Variants in NUTM2B observed in about 807,000 individuals in gnomAD.
NUTM2B encodes the protein NUT family member 2B.
Under a neutral mutation model 42.4 loss-of-function variants are expected in NUTM2B, and 2 were observed. That is an observed-to-expected ratio of 0.05 (90% CI 0.02 to 0.15). The LOEUF is 0.15. Among genes scored for constraint, NUTM2B ranks in the 10% least tolerant of loss-of-function variants. The pLI, the probability that NUTM2B is intolerant of heterozygous loss-of-function variation, is 1.00. For synonymous variants in NUTM2B, 18 were observed against 402.4 expected (o/e 0.04, Z 11.43); for missense variants, 58 against 952.6 (o/e 0.06, Z 12.36).
chr10:79,695,825 C>G, the NUTM2B span, among the ~76,000 whole-genome samples: 1 of 151,546 alleles, frequency 6.6e-6, no homozygotes, highest in Non-Finnish European at 1.5e-5. Context: ...TCTACCAGGC[C>G]CACCCATCTG....
chr10:79,695,099 G>C, the NUTM2B span, among the ~76,000 whole-genome samples: 106 of 152,196 alleles, frequency 7.0e-4, no homozygotes, highest in African/African-American at 2.5e-3. Context: ...CCCAGGCCCA[G>C]GTTCTAAAGG....
chr10:79,698,930 A>G (rs1840267537), upstream of NUTM2B, among the ~76,000 whole-genome samples: 1 of 152,188 alleles, frequency 6.6e-6, no homozygotes, highest in Non-Finnish European at 1.5e-5. Context: ...CAATACCTGC[A>G]CATATGTAAT....
chr10:79,698,163 TA>T, the NUTM2B span, among the ~76,000 whole-genome samples: 2 of 95,574 alleles, frequency 2.1e-5, no homozygotes, highest in Non-Finnish European at 4.1e-5. Flanking sequence ...ACCCATACAA[TA>T]CAAAAAAAAA....
the NUTM2B span, among the ~76,000 whole-genome samples, chr10:79,695,605 C>A: frequency 6.6e-6 from 1 of 152,146 alleles, no homozygotes; most frequent in South Asian, 2.1e-4. Context: ...GATGGTAGTG[C>A]AGGCACAGGT....
At chr10:79,694,334 T>A in the NUTM2B span, among the ~76,000 whole-genome samples, 1 of 149,710 alleles carries the variant, frequency 6.7e-6, no homozygotes, top group African/African-American at 2.5e-5. Flanking sequence ...GGAGGCGGAG[T>A]TTGCAGTGAG....
intron 6 of NUTM2B, 89 bp from the exon 7 acceptor site, chr10:79,711,607 CCCTA>C (rs1840498235): frequency 6.8e-7 from 1 of 1,472,318 alleles, no homozygotes; most frequent in Non-Finnish European, 9.3e-7. Flanking sequence ...CCTCAGGCTT[CCCTA>C]CCTGCCGCCT....
intron 6 of NUTM2B, 124 bp from the exon 7 acceptor site, chr10:79,711,576 C>T (rs1840497003): frequency 1.0e-6 from 1 of 976,670 alleles, no homozygotes. Flanking sequence ...CACCCTCTCT[C>T]TTTGACATAA....
upstream of NUTM2B, among the ~76,000 whole-genome samples, chr10:79,701,567 C>T (rs1340369475): frequency 6.6e-6 from 1 of 151,872 alleles, no homozygotes; most frequent in Non-Finnish European, 1.5e-5. Flanking sequence ...CCCAGGGCCT[C>T]AAGTGCAGAG....
the NUTM2B span, among the ~76,000 whole-genome samples, chr10:79,692,456 G>A: frequency 2.0e-5 from 3 of 152,160 alleles, no homozygotes; most frequent in African/African-American, 7.2e-5. Flanking sequence ...TGAGCCAGCA[G>A]TCTGGCTCCA....
the NUTM2B span, among the ~76,000 whole-genome samples, chr10:79,695,641 G>A: frequency 2.0e-5 from 3 of 152,078 alleles, no homozygotes; most frequent in African/African-American, 4.8e-5. Context: ...CTCGTGGAAC[G>A]TATGTTAGAG....
At chr10:79,698,166 A>C in the NUTM2B span, among the ~76,000 whole-genome samples, 3 of 46,902 alleles carry the variant, frequency 6.4e-5, no homozygotes, top group Non-Finnish European at 7.8e-5. Context: ...CATACAATAC[A>C]AAAAAAAAAA....
the NUTM2B span, among the ~76,000 whole-genome samples, chr10:79,692,389 G>C: frequency 6.6e-6 from 1 of 152,156 alleles, no homozygotes; most frequent in Non-Finnish European, 1.5e-5. Context: ...GCTCAGAGAG[G>C]TTAAAATACT....
At chr10:79,698,968 A>T (rs1447642976), upstream of NUTM2B, among the ~76,000 whole-genome samples, 1 of 152,166 alleles carries the variant, frequency 6.6e-6, no homozygotes, top group Non-Finnish European at 1.5e-5. Context: ...ACACAGAAAT[A>T]ACTCCTCCAT....
chr10:79,700,079 G>A (rs1477580241), upstream of NUTM2B, among the ~76,000 whole-genome samples: 1 of 152,144 alleles, frequency 6.6e-6, no homozygotes, highest in East Asian at 1.9e-4. Context: ...CGATTGTCAT[G>A]GAAGCTTTTC....
intron 5 of NUTM2B, among the ~76,000 whole-genome samples, chr10:79,711,019 G>A (rs1840482622): frequency 7.7e-6 from 1 of 129,636 alleles, no homozygotes; most frequent in African/African-American, 3.0e-5. Flanking sequence ...CTTTTCCTGT[G>A]TCATATGTGG....
At chr10:79,699,257 A>C (rs3012961), upstream of NUTM2B, among the ~76,000 whole-genome samples, 12,960 of 151,396 alleles carry the variant, frequency 0.086, 640 homozygotes, top group African/African-American at 0.19. Context: ...AATTCTTCCA[A>C]ATCTGCCAAA....
At chr10:79,701,505 C>T (rs1840313637), upstream of NUTM2B, among the ~76,000 whole-genome samples, 1 of 151,996 alleles carries the variant, frequency 6.6e-6, no homozygotes, top group African/African-American at 2.4e-5. Context: ...TGCAGGATTC[C>T]TATCATCTGT....
upstream of NUTM2B, among the ~76,000 whole-genome samples, chr10:79,699,061 C>T (rs1464789619): frequency 2.6e-5 from 4 of 152,084 alleles, no homozygotes; most frequent in South Asian, 6.2e-4. Context: ...CATGGATCTG[C>T]CCTCACACAT....
upstream of NUTM2B, among the ~76,000 whole-genome samples, chr10:79,701,159 C>T (rs541283051): frequency 4.6e-5 from 7 of 152,196 alleles, no homozygotes; most frequent in East Asian, 1.4e-3. Flanking sequence ...GCCCTGTTTT[C>T]CTACTCAGTC....
Sources: allele counts gnomAD v4.1 joint callset (sites outside exome capture counted in the v4.1 genomes callset), GRCh38; gene constraint gnomAD v4.1.1; transcripts MANE v1.5; gene names NCBI Gene and HGNC (gene_info 2026-07-23, HGNC 2026-07-21).